ARHGAP6: variants seen among roughly 807,000 people sequenced by gnomAD.
The protein encoded by ARHGAP6 is rho GTPase-activating protein 6.
In ARHGAP6, 16 loss-of-function variants were observed where a neutral mutation model predicts 55.7. The observed-to-expected ratio is 0.29, with a 90% CI of 0.19 to 0.44. ARHGAP6 has a LOEUF of 0.44. Among genes scored for constraint, ARHGAP6 ranks in the 20% least tolerant of loss-of-function variants. The pLI, the probability that ARHGAP6 is intolerant of heterozygous loss-of-function variation, is 1.00. For missense variants in ARHGAP6, 698 were observed against 808.9 expected, an observed-to-expected ratio of 0.86 and a Z score of 1.66; for synonymous variants, 382 against 360.9, an observed-to-expected ratio of 1.06 and a Z score of -0.66.
intron 1 of ARHGAP6, among the ~76,000 whole-genome samples, chrX:11,300,943 T>G (rs1050669086): frequency 1.3e-4 from 15 of 112,056 alleles, no homozygotes; most frequent in Non-Finnish European, 2.6e-4. Flanking sequence ...CTCAAATCTT[T>G]TTTAAAAAAC....
chrX:11,517,523 T>C (rs189697421), intron 1 of ARHGAP6, among the ~76,000 whole-genome samples: 7 of 111,680 alleles, frequency 6.3e-5, no homozygotes, highest in Admixed American at 4.8e-4. Flanking sequence ...TCAACTGTCA[T>C]GTCTATTAAG....
chrX:11,549,939 C>G (rs1159465880), intron 1 of ARHGAP6, among the ~76,000 whole-genome samples: 2 of 112,115 alleles, frequency 1.8e-5, no homozygotes, highest in Non-Finnish European at 3.8e-5. Flanking sequence ...AGAGGATAAT[C>G]CCCTGTTAGG....
intron 1 of ARHGAP6, among the ~76,000 whole-genome samples, chrX:11,440,335 A>G (rs2050028056): frequency 8.9e-6 from 1 of 112,418 alleles, no homozygotes; most frequent in Admixed American, 9.4e-5. Flanking sequence ...CACTTACTAC[A>G]GTACACATAG....
chrX:11,162,338 C>A (rs186824163), intron 9 of ARHGAP6, among the ~76,000 whole-genome samples: 1 of 94,271 alleles, frequency 1.1e-5, no homozygotes, highest in Non-Finnish European at 2.1e-5. Context: ...ACTGTGCCCC[C>A]CCCCCCATAT....
At chrX:11,202,035 G>GTGTGTGTT in intron 2 of ARHGAP6, among the ~76,000 whole-genome samples, 1 of 94,011 alleles carries the variant, frequency 1.1e-5, no homozygotes, top group Non-Finnish European at 2.2e-5. Flanking sequence ...GTGTGTGTGT[G>GTGTGTGTT]TGTGTGTGTG....
chrX:11,507,286 C>G (rs2050744348), intron 1 of ARHGAP6, among the ~76,000 whole-genome samples: 1 of 110,980 alleles, frequency 9.0e-6, no homozygotes, highest in African/African-American at 3.3e-5. Flanking sequence ...CCTACACTCT[C>G]CAGGATGTGA....
intron 1 of ARHGAP6, among the ~76,000 whole-genome samples, chrX:11,500,748 TATAAAATAA>T (rs775430372): frequency 3.7e-5 from 4 of 107,799 alleles, no homozygotes; most frequent in African/African-American, 1.4e-4. Context: ...AGAAAAATCA[TATAAAATAA>T]ATCAAGTCTT....
At chrX:11,307,787 C>T (rs897441008) in intron 1 of ARHGAP6, among the ~76,000 whole-genome samples, 1 of 111,507 alleles carries the variant, frequency 9.0e-6, no homozygotes, top group Non-Finnish European at 1.9e-5. Context: ...TTTTTTTCCC[C>T]GTTCTGGTAG....
At chrX:11,325,080 G>T (rs1037156955) in intron 1 of ARHGAP6, among the ~76,000 whole-genome samples, 4 of 111,771 alleles carry the variant, frequency 3.6e-5, no homozygotes, top group Non-Finnish European at 3.8e-5. Flanking sequence ...GGATGGTCTC[G>T]ATCTCCTGAC....
At chrX:11,486,938 T>C (rs1309317457) in intron 1 of ARHGAP6, among the ~76,000 whole-genome samples, 2 of 111,262 alleles carry the variant, frequency 1.8e-5, no homozygotes, top group Admixed American at 1.9e-4. Context: ...AAAGCATCCG[T>C]GTAGGGATGT....
intron 1 of ARHGAP6, among the ~76,000 whole-genome samples, chrX:11,437,047 C>T (rs1163379527): frequency 2.7e-5 from 3 of 110,386 alleles, no homozygotes; most frequent in Non-Finnish European, 3.8e-5. Context: ...ATTTTACCTC[C>T]ATAAAGTAGA....
intron 1 of ARHGAP6, among the ~76,000 whole-genome samples, chrX:11,422,328 G>T (rs911758960): frequency 5.4e-5 from 6 of 111,300 alleles, no homozygotes; most frequent in African/African-American, 2.0e-4. Context: ...GCTTGGGGCA[G>T]AAAAGAACTG....
intron 1 of ARHGAP6, among the ~76,000 whole-genome samples, chrX:11,483,618 C>A (rs896437853): frequency 1.8e-5 from 2 of 109,500 alleles, no homozygotes; most frequent in African/African-American, 6.7e-5. Flanking sequence ...TACCTCCAAA[C>A]TTCTAGCTCT....
intron 1 of ARHGAP6, among the ~76,000 whole-genome samples, chrX:11,559,525 T>G (rs2051360901): frequency 8.9e-6 from 1 of 111,792 alleles, no homozygotes; most frequent in African/African-American, 3.3e-5. Context: ...GGCCCCCAAG[T>G]TTTTTCCCAA....
chrX:11,161,841 C>T (rs2045950507), intron 9 of ARHGAP6, among the ~76,000 whole-genome samples: 1 of 111,748 alleles, frequency 8.9e-6, no homozygotes, highest in Non-Finnish European at 1.9e-5. Flanking sequence ...TTTTCTCTTG[C>T]TATGCCTCTG....
intron 1 of ARHGAP6, among the ~76,000 whole-genome samples, chrX:11,478,162 C>T (rs761881642): frequency 2.0e-4 from 22 of 111,554 alleles, no homozygotes; most frequent in African/African-American, 6.8e-4. Context: ...AAACAGCTTC[C>T]CTATGAACCA....
chrX:11,198,620 G>T (rs2046576607), intron 2 of ARHGAP6, among the ~76,000 whole-genome samples: 1 of 112,279 alleles, frequency 8.9e-6, no homozygotes, highest in Non-Finnish European at 1.9e-5. Context: ...AAGCTTAAAA[G>T]ATTTGATTTT....
chrX:11,156,497 G>A lies in ARHGAP6; in HGVS notation c.1907+32C>T, dbSNP rs751758593. 43 of 1,118,580 alleles carry A rather than the reference G, an allele frequency of 3.8e-5. No homozygotes were observed. In the East Asian group the frequency reaches 7.2e-4, roughly 19 times the overall value. 92.2% of individuals were successfully genotyped at this position (1,118,580 alleles called of 1,213,427 possible). A position where few individuals can be genotyped will look rare whatever the true frequency, so the allele number is the denominator to read the frequency against. ...AAATGGAAATAGAAATCTCCAATGC[G>A]GCTTTAGAAGATGGAACACTGGAAT... On this transcript the variant is annotated intron_variant, in intron 10 of 12. Coordinates refer to ENST00000337414, the MANE Select transcript of ARHGAP6 (RefSeq NM_013427.3).
At chrX:11,535,040 T>C (rs1412795221) in intron 1 of ARHGAP6, among the ~76,000 whole-genome samples, 1 of 111,377 alleles carries the variant, frequency 9.0e-6, no homozygotes, top group Non-Finnish European at 1.9e-5. Flanking sequence ...CATCCTCCTT[T>C]ATCTTATTAG....
Sources: gnomAD v4.1 joint callset for allele counts (sites outside exome capture counted in the v4.1 genomes callset) on GRCh38, gnomAD v4.1.1 for gene constraint, MANE v1.5 for transcripts, NCBI Gene and HGNC (gene_info 2026-07-23, HGNC 2026-07-21) for gene names.